Variants in RASAL2 observed in about 807,000 individuals in gnomAD.
RASAL2 encodes RAS protein activator like 2, also known as ras GTPase-activating protein nGAP.
RASAL2 carries 58 observed loss-of-function variants against 128.9 expected under a neutral mutation model. That is an observed-to-expected ratio of 0.45 (90% CI 0.36 to 0.56). The LOEUF is 0.56. Ranked by LOEUF, RASAL2 falls within the 20% of genes least tolerant of loss-of-function variation. The pLI, the probability that RASAL2 is intolerant of heterozygous loss-of-function variation, is 0.00. For missense variants in RASAL2, 1,360 were observed against 1,601.6 expected (o/e 0.85, Z 2.57); for synonymous variants, 561 against 580.8 (o/e 0.97, Z 0.49).
intron 1 of RASAL2, among the ~76,000 whole-genome samples, chr1:178,143,107 A>G (rs1240081792): frequency 1.3e-5 from 2 of 152,032 alleles, no homozygotes; most frequent in African/African-American, 4.8e-5. Context: ...CACATATTCA[A>G]ACCGTGTCAC....
At chr1:178,108,091 A>G (rs1659165299) in intron 1 of RASAL2, among the ~76,000 whole-genome samples, 1 of 152,184 alleles carries the variant, frequency 6.6e-6, no homozygotes, top group South Asian at 2.1e-4. Context: ...CGAGGGTTCC[A>G]GTTACTCCAC....
At chr1:178,374,188 G>A (rs1246489668) in intron 3 of RASAL2, among the ~76,000 whole-genome samples, 2 of 152,146 alleles carry the variant, frequency 1.3e-5, no homozygotes, top group Non-Finnish European at 2.9e-5. Flanking sequence ...CCACAGGAAT[G>A]AGGAACAAAA....
intron 4 of RASAL2, among the ~76,000 whole-genome samples, chr1:178,410,163 G>A (rs892937642): frequency 2.0e-5 from 3 of 152,146 alleles, no homozygotes; most frequent in African/African-American, 7.2e-5. Context: ...TTTCTGTTAG[G>A]TTGAAGAGTA....
At chr1:178,346,403 T>TA (rs369075200) in intron 3 of RASAL2, among the ~76,000 whole-genome samples, 2,839 of 143,676 alleles carry the variant, frequency 0.02, 66 homozygotes, top group African/African-American at 0.058. Context: ...CTTGTATCTT[T>TA]AAAAAAAAAA....
At position 178,130,251 on chromosome 1, in the gene RASAL2, AAGG is replaced by A. The variant is rs76824560; in HGVS notation, c.202+35560_202+35562del. Among the ~76,000 whole-genome samples, 256 of 152,296 alleles carry A rather than the reference AAGG, an allele frequency of 1.7e-3. 1 individual carries two copies. The East Asian group carries it at 0.033, about 20-fold the overall frequency. Reference sequence around the variant, plus strand: ...TTGACTTCTACCCAAATTTTAACACAAGGAGATGTAATATGTGATTGACAATTG... The same window carrying A: ...TTGACTTCTACCCAAATTTTAACACAAGATGTAATATGTGATTGACAATTG... On this transcript the variant is annotated intron_variant, in intron 1 of 17. Coordinates refer to ENST00000367649, the MANE Select transcript of RASAL2 (RefSeq NM_170692.4).
At chr1:178,439,717 A>G in intron 6 of RASAL2, 142 bp downstream of exon 6, 1 of 737,602 alleles carries the variant, frequency 1.4e-6, no homozygotes, top group Non-Finnish European at 2.1e-6. Flanking sequence ...ACTTACAGAG[A>G]AAAAGTTAGA....
intron 3 of RASAL2, among the ~76,000 whole-genome samples, chr1:178,365,658 A>G (rs919567191): frequency 2.0e-5 from 3 of 152,090 alleles, no homozygotes; most frequent in African/African-American, 7.2e-5. Flanking sequence ...TTTTTAGCAG[A>G]GATGGGTTTT....
At chr1:178,451,951 A>G (rs1677406863) in intron 10 of RASAL2, among the ~76,000 whole-genome samples, 1 of 152,194 alleles carries the variant, frequency 6.6e-6, no homozygotes, top group African/African-American at 2.4e-5. Context: ...TCTCTCTAAT[A>G]GAATATTAGT....
intron 17 of RASAL2, among the ~76,000 whole-genome samples, chr1:178,471,955 C>T (rs1648312767): frequency 6.6e-6 from 1 of 152,144 alleles, no homozygotes; most frequent in African/African-American, 2.4e-5. Flanking sequence ...TTAAAAACCC[C>T]TAAGGTAGTA....
intron 9 of RASAL2, 54 bp downstream of exon 9, chr1:178,445,716 A>G (rs1676952089): frequency 3.9e-6 from 6 of 1,523,518 alleles, no homozygotes; most frequent in South Asian, 3.9e-5. Context: ...GTTTTAAGCT[A>G]TTTCACCCCC....
chr1:178,096,341 C>A (rs925896362), intron 1 of RASAL2, among the ~76,000 whole-genome samples: 1 of 152,096 alleles, frequency 6.6e-6, no homozygotes, highest in East Asian at 1.9e-4. Flanking sequence ...CCAAAACAAT[C>A]TGGGTTCTCT....
At chr1:178,096,721 T>C (rs1029701273) in intron 1 of RASAL2, among the ~76,000 whole-genome samples, 11 of 152,072 alleles carry the variant, frequency 7.2e-5, no homozygotes, top group African/African-American at 2.7e-4. Context: ...ATTGCAGACT[T>C]ACCACTGCAT....
At chr1:178,346,005 C>T (rs1670132760) in intron 3 of RASAL2, among the ~76,000 whole-genome samples, 1 of 152,216 alleles carries the variant, frequency 6.6e-6, no homozygotes, top group African/African-American at 2.4e-5. Context: ...ATGCTTTCAA[C>T]ATGTGGTAGA....
intron 2 of RASAL2, among the ~76,000 whole-genome samples, chr1:178,296,061 GTGTGTATATGTA>G (rs1166737130): frequency 3.3e-5 from 5 of 151,920 alleles, no homozygotes; most frequent in African/African-American, 1.2e-4. Context: ...ATATATATGT[GTGTGTATATGTA>G]TGTGTATATA....
chr1:178,395,785 ATATATATT>A (rs922890859), intron 4 of RASAL2, among the ~76,000 whole-genome samples: 2 of 146,996 alleles, frequency 1.4e-5, no homozygotes, highest in African/African-American at 5.1e-5. Flanking sequence ...ATATATATAT[ATATATATT>A]TATTTATTCA....
intron 3 of RASAL2, among the ~76,000 whole-genome samples, chr1:178,353,341 C>T (rs900488187): frequency 7.2e-5 from 11 of 152,302 alleles, no homozygotes; most frequent in South Asian, 6.2e-4. Flanking sequence ...TAAATCATCA[C>T]GCTCAAGTTC....
chr1:178,345,985 G>T (rs1670131659), intron 3 of RASAL2, among the ~76,000 whole-genome samples: 1 of 152,194 alleles, frequency 6.6e-6, no homozygotes, highest in Admixed American at 6.5e-5. Flanking sequence ...AAGGGAAATA[G>T]ATTATTTCAA....
chr1:178,463,850 A>C (rs752073153), intron 14 of RASAL2, among the ~76,000 whole-genome samples: 2 of 152,170 alleles, frequency 1.3e-5, no homozygotes, highest in Non-Finnish European at 2.9e-5. Context: ...TCTGGGCTAA[A>C]CAGATATTTT....
At chr1:178,108,882 T>C (rs1659194919) in intron 1 of RASAL2, among the ~76,000 whole-genome samples, 1 of 152,220 alleles carries the variant, frequency 6.6e-6, no homozygotes, top group South Asian at 2.1e-4. Flanking sequence ...GAGGAAGCTC[T>C]ATGTGGGTGA....
Sources: gnomAD v4.1 joint callset for allele counts (sites outside exome capture counted in the v4.1 genomes callset) on GRCh38, gnomAD v4.1.1 for gene constraint, MANE v1.5 for transcripts, NCBI Gene and HGNC (gene_info 2026-07-23, HGNC 2026-07-21) for gene names.